MYBL2: variants seen among roughly 807,000 people sequenced by gnomAD.
The protein encoded by MYBL2 is MYB proto-oncogene like 2.
A neutral mutation model predicts 79.9 loss-of-function variants in MYBL2; 28 were observed. The observed-to-expected ratio is 0.35, with a 90% CI of 0.26 to 0.48. The LOEUF is 0.48. Among genes scored for constraint, MYBL2 ranks in the 20% least tolerant of loss-of-function variants. The probability of loss-of-function intolerance (pLI) is 0.99; values close to 1 mark genes in which losing one functional copy is unlikely to be tolerated. For synonymous variants in MYBL2, 378 were observed against 361.2 expected (o/e 1.05, Z -0.53); for missense variants, 735 against 893.9 (o/e 0.82, Z 2.27).
chr20:43,669,063 T>A (rs1221095967), intron 1 of MYBL2, among the ~76,000 whole-genome samples: 1 of 152,196 alleles, frequency 6.6e-6, no homozygotes, highest in Non-Finnish European at 1.5e-5. Context: ...TGGGTTTCAC[T>A]GTGTTGCTCA....
At chr20:43,672,134 C>A (rs1248560877) in intron 1 of MYBL2, among the ~76,000 whole-genome samples, 1 of 79,236 alleles carries the variant, frequency 1.3e-5, no homozygotes, top group Non-Finnish European at 2.8e-5. Context: ...TCGCCTGAAC[C>A]TGGGGGGCAG....
chr20:43,707,565 C>A (rs826955), intron 9 of MYBL2, among the ~76,000 whole-genome samples: 12 of 152,002 alleles, frequency 7.9e-5, no homozygotes, highest in African/African-American at 1.7e-4. Context: ...GCTAATTTTT[C>A]TATTTTTTTG....
At position 43,697,891 on chromosome 20, in the gene MYBL2, G is replaced by A. The variant is rs529467394; in HGVS notation, c.664-1866G>A. ...GATCGCGCCACTGCATTTCAGCCTGGGCAACAGAGTGAGACTCCATCTCAA... is the reference window on the plus strand; with the variant it reads ...GATCGCGCCACTGCATTTCAGCCTGAGCAACAGAGTGAGACTCCATCTCAA... On this transcript the variant is annotated intron_variant, in intron 6 of 13. Coordinates refer to ENST00000217026, the MANE Select transcript of MYBL2 (RefSeq NM_002466.4). Among the ~76,000 whole-genome samples, 461 of 150,140 alleles carry A rather than the reference G, an allele frequency of 3.1e-3. 5 individuals are homozygous for A. The highest frequency in any genetic ancestry group is 0.011 in the African/African-American group (442 of 40,520).
intron 7 of MYBL2, among the ~76,000 whole-genome samples, chr20:43,700,374 C>G (rs1038275119): frequency 2.0e-5 from 3 of 152,112 alleles, no homozygotes; most frequent in Admixed American, 2.0e-4. Context: ...CACAGGACAG[C>G]GTGGTATTTG....
intron 11 of MYBL2, among the ~76,000 whole-genome samples, chr20:43,712,048 G>A (rs558993523): frequency 6.6e-6 from 1 of 151,754 alleles, no homozygotes; most frequent in African/African-American, 2.4e-5. Context: ...GAGCCAGCCA[G>A]GCCAGGCAGT....
rs143492174 is a variant in MYBL2 at position 43,681,016 on chromosome 20, G to C, written c.115-768G>C. 2.1e-3 allele frequency among the ~76,000 whole-genome samples: 322 copies of C among 152,178 alleles called. 3 individuals are homozygous for C. In the South Asian group the frequency reaches 0.025, roughly 12 times the overall value. ...CCTATAGCTTAGTTTACATTTTCTA[G>C]AACTTCATGTGCATGGAATCATACG... On this transcript the variant is annotated intron_variant, in intron 2 of 13. Coordinates refer to ENST00000217026, the MANE Select transcript of MYBL2 (RefSeq NM_002466.4).
chr20:43,671,323 T>C (rs2145704804), intron 1 of MYBL2, among the ~76,000 whole-genome samples: 2 of 150,640 alleles, frequency 1.3e-5, no homozygotes, highest in Middle Eastern at 3.5e-3. Context: ...ACCCAGCTAA[T>C]TTTTTTGTAT....
Position 43,678,870 on chromosome 20 carries a change from AAAAAG to A in MYBL2, c.115-2909_115-2905del, listed in dbSNP as rs570379545. On this transcript the variant is annotated intron_variant, in intron 2 of 13. Coordinates refer to ENST00000217026, the MANE Select transcript of MYBL2 (RefSeq NM_002466.4). ...AAAACTCCGTCTCAAAAAAAAAAAA[AAAAAG>A]AAAAAAACATATAGAGCACAGGCTG... 7.5e-3 allele frequency among the ~76,000 whole-genome samples: 1,047 copies of A among 138,854 alleles called. 27 individuals carry two copies. Among genetic ancestry groups the A allele is most frequent in the African/African-American group, 0.023 (779 of 34,562 alleles). 91.1% of individuals were successfully genotyped at this position (138,854 alleles called of 152,430 possible).
chr20:43,669,326 A>G (rs1261968365), intron 1 of MYBL2, among the ~76,000 whole-genome samples: 1 of 152,180 alleles, frequency 6.6e-6, no homozygotes, highest in African/African-American at 2.4e-5. Flanking sequence ...TTGTTCAGGA[A>G]GAGTTATTCC....
In MYBL2 at chr20:43,702,492, C is replaced by A; in HGVS notation, c.954C>A (p.Asp318Glu). The A allele has an allele frequency of 6.3e-7, 1 of 1,595,282 alleles. No homozygotes were observed. Among genetic ancestry groups the A allele is most frequent in the Non-Finnish European group, 8.6e-7 (1 of 1,165,266 alleles). The change falls in exon 8 of 14, where the codon GAC (aspartate) becomes GAA (glutamate). Residue 318 changes from aspartate (D) to glutamate (E), a missense_variant and splice_region_variant. By Grantham distance (45) the Asp-to-Glu change is conservative (BLOSUM62 2). This residue lies in a region of MYBL2 where 243 missense variants were observed against 327.2 expected (regional missense o/e 0.74). Coordinates refer to ENST00000217026, the MANE Select transcript of MYBL2 (RefSeq NM_002466.4). ...TCCTAACCTCCCTCCCTGGACAGGACCCTGATGCTTGGTGTGACCTGAGTA... is the reference window on the plus strand; with the variant it reads ...TCCTAACCTCCCTCCCTGGACAGGAACCTGATGCTTGGTGTGACCTGAGTA... ...LSEALDLIES[D>E]PDAWCDLSKF...
At chr20:43,670,963 TTTTTTC>T (rs1986840272) in intron 1 of MYBL2, among the ~76,000 whole-genome samples, 1 of 5,798 alleles carries the variant, frequency 1.7e-4, no homozygotes, top group African/African-American at 3.8e-4. Context: ...ATGATTTCTT[TTTTTTC>T]TTTTTTTTTT....
intron 2 of MYBL2, among the ~76,000 whole-genome samples, chr20:43,677,905 C>T (rs1020606531): frequency 5.3e-5 from 8 of 152,152 alleles, no homozygotes; most frequent in East Asian, 1.9e-4. Context: ...GGATGGTTGC[C>T]GTGTCTGTGT....
Position 43,692,274 on chromosome 20 carries a change from C to T in MYBL2, c.618C>T (p.Leu206=), listed in dbSNP as rs368370176. Residue 206 remains leucine (L), a synonymous_variant, in exon 6 of 14, where the codon CTC becomes CTT. Transcript: ENST00000217026. ...CCCCAGTGTACTTGCTGCTGGAGCT[C>T]GAGGACAAGGACGGCCTCCAGAGTG... The part of the protein sequence containing the change: ...CKPPVYLLLE[L]EDKDGLQSAQ... 1.3e-5 allele frequency: 21 copies of T among 1,614,046 alleles called. No homozygotes were observed. The highest frequency in any genetic ancestry group is 4.5e-5 in the East Asian group (2 of 44,892).
At chr20:43,682,934 G>A in intron 4 of MYBL2, 48 bp downstream of exon 4, 1 of 1,534,054 alleles carries the variant, frequency 6.5e-7, no homozygotes, top group Non-Finnish European at 9.0e-7. Context: ...TCACCCACCA[G>A]TGTACCTGGG....
chr20:43,713,447 G>T (rs918259885), intron 12 of MYBL2, among the ~76,000 whole-genome samples: 2 of 151,238 alleles, frequency 1.3e-5, no homozygotes, highest in African/African-American at 2.4e-5. Context: ...GAGTGCAATG[G>T]TGCCATCTCG....
At chr20:43,687,552 C>T (rs910646763) in intron 5 of MYBL2, among the ~76,000 whole-genome samples, 2 of 152,144 alleles carry the variant, frequency 1.3e-5, no homozygotes, top group Non-Finnish European at 2.9e-5. Context: ...TTTGTCACCA[C>T]TCTGTTAAAT....
chr20:43,704,393 G>A (rs1987735386), intron 8 of MYBL2, among the ~76,000 whole-genome samples: 1 of 152,180 alleles, frequency 6.6e-6, no homozygotes, highest in Non-Finnish European at 1.5e-5. Context: ...GGGACTTCAG[G>A]ATGTAAATTT....
rs1396458345 is a variant in MYBL2, at chr20:43,694,201, G to A, written c.663+1882G>A. ...CAAAAAATTAGCTGGGCGTGGTGGC[G>A]GGTGCCTGTAGTCCCAGCTACCCAG... On this transcript the variant is annotated intron_variant, in intron 6 of 13. Coordinates refer to ENST00000217026, the MANE Select transcript of MYBL2 (RefSeq NM_002466.4). 3.3e-5 allele frequency among the ~76,000 whole-genome samples: 5 copies of A among 151,868 alleles called. No homozygotes were observed. In the South Asian group the frequency reaches 8.3e-4, roughly 25 times the overall value.
chr20:43,709,739 C>T (rs557967658), intron 9 of MYBL2, among the ~76,000 whole-genome samples: 3 of 152,332 alleles, frequency 2.0e-5, no homozygotes, highest in East Asian at 3.9e-4. Context: ...GCAGCATTCT[C>T]GGCTATCTGC....
Sources: gnomAD v4.1 joint callset for allele counts (sites outside exome capture counted in the v4.1 genomes callset) on GRCh38, gnomAD v4.1.1 for gene constraint, gnomAD v4.1.1 regional missense constraint, MANE v1.5 for transcripts, NCBI Gene and HGNC (gene_info 2026-07-23, HGNC 2026-07-21) for gene names.